Variants in MOGAT1 observed in about 807,000 individuals in gnomAD.
The protein encoded by MOGAT1 is 2-acylglycerol O-acyltransferase 1.
In MOGAT1, 32 loss-of-function variants were observed where a neutral mutation model predicts 31.4. That is an observed-to-expected ratio of 1.02 (90% CI 0.77 to 1.37). The LOEUF is 1.37. Among genes scored for constraint, MOGAT1 ranks in the 40% most tolerant of loss-of-function variants. The pLI is 0.00. For synonymous variants in MOGAT1, 145 were observed against 144.5 expected (o/e 1.00, Z -0.03); for missense variants, 426 against 402.0 (o/e 1.06, Z -0.51).
intron 5 of MOGAT1, 30 bp from the exon 6 acceptor site, chr2:222,709,706 C>T (rs1693083668): frequency 6.2e-7 from 1 of 1,603,528 alleles, no homozygotes; most frequent in Non-Finnish European, 8.5e-7. Flanking sequence ...GTTTTAGTTC[C>T]TCACGTATGA....
intron 3 of MOGAT1, among the ~76,000 whole-genome samples, chr2:222,690,967 T>C (rs1462020338): frequency 6.6e-6 from 1 of 152,226 alleles, no homozygotes; most frequent in African/African-American, 2.4e-5. Flanking sequence ...AATGTTTGCT[T>C]ATTCAAAGCA....
At chr2:222,687,604 C>G (rs76880314) in intron 1 of MOGAT1, among the ~76,000 whole-genome samples, 3 of 152,130 alleles carry the variant, frequency 2.0e-5, no homozygotes, top group East Asian at 3.8e-4. Context: ...GTTTTTGCCC[C>G]GTGTATTTTG....
intron 1 of MOGAT1, among the ~76,000 whole-genome samples, chr2:222,680,534 C>T (rs1404733826): frequency 6.6e-6 from 1 of 152,092 alleles, no homozygotes; most frequent in Non-Finnish European, 1.5e-5. Context: ...TAGCACAATC[C>T]TTAAAAACTC....
At chr2:222,704,910 G>A (rs1006777203) in intron 5 of MOGAT1, among the ~76,000 whole-genome samples, 3 of 152,140 alleles carry the variant, frequency 2.0e-5, no homozygotes, top group East Asian at 3.9e-4. Flanking sequence ...AGAGGGGTCC[G>A]GATTCATACC....
intron 1 of MOGAT1, among the ~76,000 whole-genome samples, chr2:222,675,542 C>T (rs369542563): frequency 1.3e-5 from 2 of 148,372 alleles, no homozygotes; most frequent in Admixed American, 6.8e-5. Flanking sequence ...TGCAGTGGCG[C>T]GATCTCGGCT....
In MOGAT1 at chr2:222,694,373, G is replaced by A; in HGVS notation, c.490G>A (p.Val164Ile). The A allele has an allele frequency of 6.2e-7, 1 of 1,607,816 alleles. No individual in the cohort carries two copies. The highest frequency in any genetic ancestry group is 8.5e-7 in the Non-Finnish European group (1 of 1,177,432). The change falls in exon 4 of 6, where the codon GTT becomes ATT. Residue 164 changes from valine (V) to isoleucine (I), a missense_variant. Coordinates refer to ENST00000446656, the MANE Select transcript of MOGAT1 (RefSeq NM_058165.3). ...TTTTATTCACTAAGGGCTGGTTTCA[G>A]TTTCCAAGAAAAGTGTGTCCTACAT... ...EYVMSVGLVS[V>I]SKKSVSYMVS...
At chr2:222,688,584 C>A in intron 2 of MOGAT1, 62 bp downstream of exon 2, 2 of 1,204,222 alleles carry the variant, frequency 1.7e-6, no homozygotes, top group Non-Finnish European at 2.3e-6. Flanking sequence ...AATTTGTTTT[C>A]ATCACATATA....
chr2:222,676,506 T>C (rs1487716971), intron 1 of MOGAT1, among the ~76,000 whole-genome samples: 1 of 152,232 alleles, frequency 6.6e-6, no homozygotes, highest in Non-Finnish European at 1.5e-5. Flanking sequence ...CATCTATTGA[T>C]GAATATTTGG....
At chr2:222,703,669 C>T (rs1192566805) in intron 5 of MOGAT1, among the ~76,000 whole-genome samples, 1 of 152,146 alleles carries the variant, frequency 6.6e-6, no homozygotes, top group Non-Finnish European at 1.5e-5. Flanking sequence ...TCATCTGACA[C>T]CCAGGTTCCT....
intron 1 of MOGAT1, among the ~76,000 whole-genome samples, chr2:222,673,397 C>T (rs1470794556): frequency 6.7e-6 from 1 of 150,322 alleles, no homozygotes; most frequent in African/African-American, 2.5e-5. Context: ...CACCGTGAGG[C>T]AGGGTTGCTC....
At chr2:222,682,690 C>A (rs4673030) in intron 1 of MOGAT1, among the ~76,000 whole-genome samples, 60,594 of 152,052 alleles carry the variant, frequency 0.4, 13,254 homozygotes, top group African/African-American at 0.59. Context: ...TGTCTGTCAA[C>A]AGATGCATGA....
chr2:222,704,095 G>A (rs773185555), intron 5 of MOGAT1, among the ~76,000 whole-genome samples: 1 of 152,190 alleles, frequency 6.6e-6, no homozygotes. Flanking sequence ...CAAAAGCTAT[G>A]ATTCCTGACT....
chr2:222,681,839 A>G (rs887061853), intron 1 of MOGAT1, among the ~76,000 whole-genome samples: 2 of 152,198 alleles, frequency 1.3e-5, no homozygotes, highest in African/African-American at 4.8e-5. Flanking sequence ...AGATGGAAAG[A>G]TGTACCTAGC....
At position 222,702,555 on chromosome 2, in the gene MOGAT1, A is replaced by C. The variant is rs367921012; in HGVS notation, c.854-7181A>C. Among the ~76,000 whole-genome samples, 8 of 152,274 alleles carry C rather than the reference A, an allele frequency of 5.3e-5. No homozygotes were observed. In the South Asian group the frequency reaches 1.2e-3, roughly 24 times the overall value. On this transcript the variant is annotated intron_variant, in intron 5 of 5. Transcript: ENST00000446656. ...TGTGCACACGTGCACAAAATGCTAG[A>C]AATTGCTGCATCTAGATGGGGGTAG...
chr2:222,677,581 G>C (rs753145283), intron 1 of MOGAT1: 28 of 194,944 alleles, frequency 1.4e-4, no homozygotes, highest in Non-Finnish European at 2.7e-4. Flanking sequence ...TTTGTCTAAG[G>C]CTAGAAAGGT....
chr2:222,697,771 C>G (rs184854407), intron 5 of MOGAT1, among the ~76,000 whole-genome samples: 1 of 151,910 alleles, frequency 6.6e-6, no homozygotes, highest in Non-Finnish European at 1.5e-5. Context: ...GACAGAGTCT[C>G]ACTATGTTGG....
chr2:222,707,213 G>A (rs1335673708), intron 5 of MOGAT1, among the ~76,000 whole-genome samples: 1 of 140,354 alleles, frequency 7.1e-6, no homozygotes, highest in Non-Finnish European at 1.5e-5. Flanking sequence ...GAGACAGAAA[G>A]AAAAACAAGG....
rs139054339 is a variant in MOGAT1 at position 222,685,511 on chromosome 2, G to A, written c.95-2833G>A. Among the ~76,000 whole-genome samples the A allele has an allele frequency of 6.2e-3, 943 of 151,744 alleles. 10 individuals carry two copies. The highest frequency in any genetic ancestry group is 0.021 in the African/African-American group (885 of 41,366). ...CTATTATACATGCAAAACATGTAAT[G>A]AGCATTAAAGAGATATGCAGCATGT... On this transcript the variant is annotated intron_variant, in intron 1 of 5. Coordinates refer to ENST00000446656, the MANE Select transcript of MOGAT1 (RefSeq NM_058165.3).
intron 2 of MOGAT1, 121 bp downstream of exon 2, chr2:222,688,643 T>G: frequency 1.4e-6 from 1 of 704,762 alleles, no homozygotes; most frequent in Non-Finnish European, 2.3e-6. Context: ...TTTGTGCTGC[T>G]GTAACAGAAT....
Sources: gnomAD v4.1 joint callset for allele counts (sites outside exome capture counted in the v4.1 genomes callset) on GRCh38, gnomAD v4.1.1 for gene constraint, MANE v1.5 for transcripts, NCBI Gene and HGNC (gene_info 2026-07-23, HGNC 2026-07-21) for gene names.